Variants in DYRK1A observed in about 807,000 individuals in gnomAD.
DYRK1A encodes dual specificity tyrosine-phosphorylation-regulated kinase 1A.
DYRK1A carries 9 observed loss-of-function variants against 79.7 expected under a neutral mutation model. The observed-to-expected ratio is 0.11, with a 90% CI of 0.07 to 0.20. DYRK1A has a LOEUF of 0.20. DYRK1A is among the 10% of genes least tolerant of loss of function. The probability of loss-of-function intolerance (pLI) is 1.00; values close to 1 mark genes in which losing one functional copy is unlikely to be tolerated. For missense variants in DYRK1A, 622 were observed against 956.0 expected (o/e 0.65, Z 4.61); for synonymous variants, 349 against 329.7 (o/e 1.06, Z -0.63).
At chr21:37,442,787 A>G (rs576807455) in intron 2 of DYRK1A, among the ~76,000 whole-genome samples, 4 of 152,150 alleles carry the variant, frequency 2.6e-5, no homozygotes, top group East Asian at 1.9e-4. Flanking sequence ...AATATTTTCC[A>G]TGACATCCCT....
At position 37,505,355 on chromosome 21, in the gene DYRK1A, C is replaced by T. The variant is rs766592662; in HGVS notation, c.1285C>T (p.Arg429Cys). The T allele has an allele frequency of 1.2e-6, 2 of 1,614,126 alleles. No homozygotes were observed. The highest frequency in any genetic ancestry group is 1.7e-6 in the Non-Finnish European group (2 of 1,180,022). The change falls in exon 10 of 12, where the codon CGT (arginine) becomes TGT (cysteine). Residue 429 changes from arginine (R) to cysteine (C), a missense_variant. Arg to Cys is a radical substitution (Grantham distance 180). This residue lies in a region of DYRK1A where 80 missense variants were observed against 116.5 expected (regional missense o/e 0.69). Transcript: ENST00000647188. ...GVETGGPGGR[R>C]AGESGHTVAD... ...GGAAACAGGAGGACCTGGTGGGCGA[C>T]GTGCTGGGGAGTCAGGTCATACGGT...
At chr21:37,457,029 C>CTTAT (rs748141175) in intron 2 of DYRK1A, among the ~76,000 whole-genome samples, 5 of 87,826 alleles carry the variant, frequency 5.7e-5, no homozygotes, top group African/African-American at 2.7e-4. Context: ...TACTTACTTA[C>CTTAT]TTACTTACTT....
intron 1 of DYRK1A, among the ~76,000 whole-genome samples, chr21:37,378,633 G>A (rs62222270): frequency 0.09 from 13,683 of 152,228 alleles, 776 homozygotes; most frequent in Non-Finnish European, 0.12. Context: ...TACAGAAAAG[G>A]GGGCTCTTGT....
chr21:37,445,812 A>G lies in DYRK1A; in HGVS notation c.10+25428A>G, dbSNP rs547285005. ...ATCAGATGCCAAGAAAAAGTTGGGA[A>G]TTTTAGCACCCTGTCCTTAACCAAT... On this transcript the variant is annotated intron_variant, in intron 2 of 11. Transcript: ENST00000647188. Among the ~76,000 whole-genome samples, 169 of 152,230 alleles carry G rather than the reference A, an allele frequency of 1.1e-3. No homozygotes were observed. The Middle Eastern group carries it at 0.017, about 15-fold the overall frequency.
chr21:37,476,737 C>A (rs2052404580), intron 3 of DYRK1A, among the ~76,000 whole-genome samples: 2 of 145,126 alleles, frequency 1.4e-5, no homozygotes, highest in African/African-American at 4.9e-5. Flanking sequence ...AAAAGTAAGA[C>A]TGTCTATTTG....
chr21:37,469,783 C>T (rs907234035), intron 2 of DYRK1A, among the ~76,000 whole-genome samples: 4 of 152,150 alleles, frequency 2.6e-5, no homozygotes, highest in African/African-American at 9.7e-5. Context: ...CAATAACCTC[C>T]TACCGGGGCC....
At chr21:37,416,317 C>CTTT (rs775621138) in intron 1 of DYRK1A, among the ~76,000 whole-genome samples, 43 of 98,146 alleles carry the variant, frequency 4.4e-4, no homozygotes, top group African/African-American at 1.6e-3. Flanking sequence ...GTGTTTTGGC[C>CTTT]TTTTTTTTTT....
intron 2 of DYRK1A, among the ~76,000 whole-genome samples, chr21:37,463,972 T>G (rs2051938511): frequency 6.6e-6 from 1 of 152,246 alleles, no homozygotes; most frequent in South Asian, 2.1e-4. Flanking sequence ...ACTGTTTCTC[T>G]TTAAAATCTA....
chr21:37,447,583 G>T (rs929482423), intron 2 of DYRK1A, among the ~76,000 whole-genome samples: 1 of 152,028 alleles, frequency 6.6e-6, no homozygotes, highest in Non-Finnish European at 1.5e-5. Flanking sequence ...TTCATCTTCC[G>T]CAAAGCCTAA....
chr21:37,477,315 C>T (rs2052434991), intron 3 of DYRK1A, among the ~76,000 whole-genome samples: 2 of 152,120 alleles, frequency 1.3e-5, no homozygotes, highest in Non-Finnish European at 2.9e-5. Context: ...GCTGTGACCA[C>T]CTTGATGGAA....
chr21:37,366,369 G>A (rs1393365998), upstream of DYRK1A, among the ~76,000 whole-genome samples: 2 of 145,088 alleles, frequency 1.4e-5, no homozygotes, highest in South Asian at 2.1e-4. Flanking sequence ...GGCGGCGCGG[G>A]AGGCCGCGCG....
intron 1 of DYRK1A, among the ~76,000 whole-genome samples, chr21:37,414,790 T>C (rs1018465742): frequency 6.6e-6 from 1 of 152,174 alleles, no homozygotes; most frequent in Non-Finnish European, 1.5e-5. Context: ...TTTGAGAATA[T>C]CTATTCACAA....
intron 2 of DYRK1A, among the ~76,000 whole-genome samples, chr21:37,442,148 A>C (rs1164615039): frequency 2.6e-5 from 4 of 151,830 alleles, no homozygotes; most frequent in African/African-American, 9.7e-5. Flanking sequence ...TTTTCTGTTT[A>C]TCATTGGTTT....
Position 37,519,736 on chromosome 21 carries a change from G to GTTTTTTTTGTTTTTTTTTTTTTTTTTTT in DYRK1A, c.*7213_*7214insGTTTTTTTTTTTTTTTTTTTTTTTTTTT, listed in dbSNP as rs58947386. ...AGAGTTTTGAGGTTTGTTGTGGGAA[G>GTTTTTTTTGTTTTTTTTTTTTTTTTTTT]TTTTTTTTTTTTTTTTTTTTTTTGA... On this transcript the variant is annotated 3_prime_UTR_variant, in exon 12 of 12. Coordinates refer to ENST00000647188, the MANE Select transcript of DYRK1A (RefSeq NM_001347721.2). 4.5e-4 allele frequency: 39 copies of GTTTTTTTTGTTTTTTTTTTTTTTTTTTT among 85,800 alleles called. 1 individual carries two copies. The highest frequency in any genetic ancestry group is 1.8e-3 in the African/African-American group (37 of 20,612). 5.3% of individuals were successfully genotyped at this position (85,800 alleles called of 1,614,324 possible).
chr21:37,437,692 C>G (rs2050965851), intron 2 of DYRK1A, among the ~76,000 whole-genome samples: 1 of 152,102 alleles, frequency 6.6e-6, no homozygotes, highest in African/African-American at 2.4e-5. Flanking sequence ...CAGTAGTTCA[C>G]TGTTTTTATT....
intron 1 of DYRK1A, among the ~76,000 whole-genome samples, chr21:37,392,908 G>A (rs1476967009): frequency 3.3e-5 from 5 of 152,234 alleles, no homozygotes. Flanking sequence ...CCCTCTTGAG[G>A]GGAGAAATGC....
intron 8 of DYRK1A, among the ~76,000 whole-genome samples, chr21:37,494,999 C>T (rs2053216823): frequency 6.6e-6 from 1 of 151,358 alleles, no homozygotes; most frequent in Admixed American, 6.6e-5. Context: ...TGTCTTCCCA[C>T]TATAACATAA....
intron 2 of DYRK1A, among the ~76,000 whole-genome samples, chr21:37,456,708 C>T (rs984222562): frequency 2.6e-5 from 4 of 152,154 alleles, no homozygotes; most frequent in African/African-American, 7.2e-5. Flanking sequence ...TACCTCTGGC[C>T]TTCCCACCTC....
chr21:37,401,440 C>T (rs972067249), intron 1 of DYRK1A, among the ~76,000 whole-genome samples: 2 of 148,818 alleles, frequency 1.3e-5, no homozygotes, highest in Non-Finnish European at 3.0e-5. Context: ...CCTTAAGATA[C>T]GTATTTTGAA....
Sources: gnomAD v4.1 joint callset for allele counts (sites outside exome capture counted in the v4.1 genomes callset) on GRCh38, gnomAD v4.1.1 for gene constraint, gnomAD v4.1.1 regional missense constraint, MANE v1.5 for transcripts, NCBI Gene and HGNC (gene_info 2026-07-23, HGNC 2026-07-21) for gene names.